The following CNTN5 variants were observed in gnomAD, a reference collection of about 807,000 sequenced individuals.
CNTN5 encodes contactin-5.
In CNTN5, 77 loss-of-function variants were observed where a neutral mutation model predicts 129.1. The ratio of observed to expected loss-of-function variants is 0.60; its 90% CI spans 0.50 to 0.72. The LOEUF (loss-of-function observed/expected upper bound fraction) is 0.72, where lower values mean the gene tolerates loss of function less well. Among genes scored for constraint, CNTN5 ranks in the 30% least tolerant of loss-of-function variants. The pLI is 0.00. For missense variants in CNTN5, 1,478 were observed against 1,328.8 expected (o/e 1.11, Z -1.75); for synonymous variants, 509 against 465.6 (o/e 1.09, Z -1.20).
intron 3 of CNTN5, among the ~76,000 whole-genome samples, chr11:99,747,594 C>T (rs542294808): frequency 2.6e-5 from 4 of 151,492 alleles, no homozygotes; most frequent in African/African-American, 7.3e-5. Flanking sequence ...GCCTCCCTCT[C>T]GAGTAGGTGG....
intron 1 of CNTN5, among the ~76,000 whole-genome samples, chr11:99,278,929 T>C (rs1199515779): frequency 6.6e-6 from 1 of 151,758 alleles, no homozygotes; most frequent in Non-Finnish European, 1.5e-5. Context: ...ACCGTTCCAT[T>C]GTGACCTGGA....
chr11:100,287,610 C>T (rs1343171774), intron 18 of CNTN5, among the ~76,000 whole-genome samples: 4 of 151,116 alleles, frequency 2.6e-5, no homozygotes, highest in African/African-American at 9.7e-5. Flanking sequence ...GAAGGAAGCA[C>T]TAAACATGGA....
intron 2 of CNTN5, among the ~76,000 whole-genome samples, chr11:99,553,417 T>G (rs1167208988): frequency 6.6e-6 from 1 of 152,106 alleles, no homozygotes; most frequent in African/African-American, 2.4e-5. Flanking sequence ...ATTAATTATA[T>G]TGTCATTTCT....
At chr11:99,980,645 G>T (rs912957327) in intron 8 of CNTN5, among the ~76,000 whole-genome samples, 1 of 152,106 alleles carries the variant, frequency 6.6e-6, no homozygotes, top group Non-Finnish European at 1.5e-5. Flanking sequence ...GCAGTTCCCA[G>T]TTGCTGCTGC....
chr11:99,298,914 A>T (rs1864502927), intron 1 of CNTN5, among the ~76,000 whole-genome samples: 1 of 152,224 alleles, frequency 6.6e-6, no homozygotes, highest in East Asian at 1.9e-4. Flanking sequence ...TCCTCCACAC[A>T]AAAACATTTT....
At chr11:99,621,511 T>A (rs1950949811) in intron 3 of CNTN5, among the ~76,000 whole-genome samples, 1 of 146,912 alleles carries the variant, frequency 6.8e-6, no homozygotes, top group Non-Finnish European at 1.5e-5. Context: ...ATTTCAAGAA[T>A]AATATATCTT....
At chr11:100,226,959 A>C (rs904504133) in intron 16 of CNTN5, among the ~76,000 whole-genome samples, 8 of 152,104 alleles carry the variant, frequency 5.3e-5, no homozygotes, top group Non-Finnish European at 1.0e-4. Flanking sequence ...AAAGTTGAGC[A>C]TTCTAGATGG....
chr11:99,470,679 C>A (rs2055602), intron 2 of CNTN5, among the ~76,000 whole-genome samples: 150,644 of 152,250 alleles, frequency 0.99, 74,552 homozygotes, highest in East Asian at 1. Flanking sequence ...AGGCATCAAA[C>A]TTGATTTACA....
At chr11:99,542,209 A>G (rs1274028564) in intron 2 of CNTN5, among the ~76,000 whole-genome samples, 1 of 152,026 alleles carries the variant, frequency 6.6e-6, no homozygotes, top group Non-Finnish European at 1.5e-5. Context: ...CCTCTCTTCT[A>G]GCAATTTATT....
intron 4 of CNTN5, among the ~76,000 whole-genome samples, chr11:99,840,874 C>T (rs1018617614): frequency 1.3e-5 from 2 of 152,104 alleles, no homozygotes; most frequent in Non-Finnish European, 2.9e-5. Flanking sequence ...AACAGTGGAT[C>T]ATTATGACCA....
intron 13 of CNTN5, among the ~76,000 whole-genome samples, chr11:100,144,794 T>C (rs1476152271): frequency 2.0e-5 from 3 of 151,984 alleles, no homozygotes; most frequent in Admixed American, 6.6e-5. Flanking sequence ...ATTATTCTTG[T>C]ATTTCATAAT....
At chr11:99,888,073 A>G (rs1209631505) in intron 6 of CNTN5, among the ~76,000 whole-genome samples, 1 of 152,188 alleles carries the variant, frequency 6.6e-6, no homozygotes, top group African/African-American at 2.4e-5. Context: ...TAGCTTCTAC[A>G]TCATAAGGCT....
intron 18 of CNTN5, 46 bp from the exon 19 acceptor site, chr11:100,297,579 G>T (rs370379017): frequency 5.5e-6 from 7 of 1,282,088 alleles, no homozygotes; most frequent in African/African-American, 2.1e-5. Context: ...TCCAACGTAG[G>T]TTGGGAGTTT....
intron 2 of CNTN5, among the ~76,000 whole-genome samples, chr11:99,407,501 G>C (rs1388249742): frequency 6.6e-6 from 1 of 152,116 alleles, no homozygotes; most frequent in Non-Finnish European, 1.5e-5. Context: ...TCGGAGCCGT[G>C]AGCTGTGCAG....
chr11:100,130,155 A>T (rs544764972), intron 13 of CNTN5, among the ~76,000 whole-genome samples: 1 of 152,312 alleles, frequency 6.6e-6, no homozygotes, highest in Non-Finnish European at 1.5e-5. Flanking sequence ...TGATATCCGC[A>T]TATTCTTTAA....
intron 3 of CNTN5, among the ~76,000 whole-genome samples, chr11:99,772,634 G>A (rs546190070): frequency 1.6e-4 from 25 of 152,146 alleles, no homozygotes; most frequent in South Asian, 1.2e-3. Flanking sequence ...ACTTTTGAAG[G>A]TGAACTTGTT....
intron 2 of CNTN5, among the ~76,000 whole-genome samples, chr11:99,429,180 G>A (rs907063936): frequency 6.7e-6 from 1 of 149,262 alleles, no homozygotes; most frequent in Non-Finnish European, 1.5e-5. Flanking sequence ...CTTAAGTCAT[G>A]TGAACTTGAA....
At chr11:99,091,420 GGTCT>G (rs1165830388) in intron 1 of CNTN5, among the ~76,000 whole-genome samples, 1 of 152,158 alleles carries the variant, frequency 6.6e-6, no homozygotes, top group Non-Finnish European at 1.5e-5. Context: ...GTTGTTGAAA[GGTCT>G]GTAAGGCACA....
intron 7 of CNTN5, among the ~76,000 whole-genome samples, chr11:99,944,062 C>A (rs1199273490): frequency 7.3e-6 from 1 of 136,522 alleles, no homozygotes; most frequent in Non-Finnish European, 1.6e-5. Flanking sequence ...TTTTTTTTTT[C>A]TAGCTCTTTG....
Sources: allele counts gnomAD v4.1 joint callset (sites outside exome capture counted in the v4.1 genomes callset), GRCh38; gene constraint gnomAD v4.1.1; transcripts MANE v1.5; gene names NCBI Gene and HGNC (gene_info 2026-07-23, HGNC 2026-07-21).